PRKAG2: variants seen among roughly 807,000 people sequenced by gnomAD.
PRKAG2 encodes the protein protein kinase AMP-activated non-catalytic subunit gamma 2, also known as 5'-AMP-activated protein kinase subunit gamma-2.
PRKAG2 carries 26 observed loss-of-function variants against 69.6 expected under a neutral mutation model. The ratio of observed to expected loss-of-function variants is 0.37; its 90% CI spans 0.27 to 0.52. PRKAG2 has a LOEUF of 0.52. Among genes scored for constraint, PRKAG2 ranks in the 20% least tolerant of loss-of-function variants. The pLI is 0.90. For missense variants in PRKAG2, 557 were observed against 740.0 expected, an observed-to-expected ratio of 0.75 and a Z score of 2.87; for synonymous variants, 293 against 285.0, an observed-to-expected ratio of 1.03 and a Z score of -0.28.
chr7:151,840,399 T>G (rs1212708156), intron 1 of PRKAG2, among the ~76,000 whole-genome samples: 2 of 152,184 alleles, frequency 1.3e-5, no homozygotes, highest in Admixed American at 6.5e-5. Flanking sequence ...ATTCATTCAT[T>G]TAGATGAGGT....
intron 1 of PRKAG2, among the ~76,000 whole-genome samples, chr7:151,853,617 A>G (rs982845206): frequency 5.3e-5 from 8 of 152,016 alleles, no homozygotes; most frequent in Admixed American, 4.6e-4. Context: ...AAAATTAGCC[A>G]GGCGTGGTGG....
intron 3 of PRKAG2, among the ~76,000 whole-genome samples, chr7:151,722,814 A>G (rs1448653986): frequency 1.3e-5 from 2 of 152,128 alleles, no homozygotes; most frequent in Non-Finnish European, 2.9e-5. Flanking sequence ...AAAACTGATT[A>G]GATAGGCACA....
intron 5 of PRKAG2, among the ~76,000 whole-genome samples, chr7:151,604,543 G>A (rs1216158553): frequency 1.3e-5 from 2 of 152,116 alleles, no homozygotes; most frequent in Admixed American, 6.5e-5. Context: ...GGAGGCTGAG[G>A]TGGGAGGGTC....
intron 3 of PRKAG2, among the ~76,000 whole-genome samples, chr7:151,693,958 G>C (rs10278860): frequency 0.16 from 23,541 of 150,960 alleles, 2,648 homozygotes; most frequent in African/African-American, 0.32. Flanking sequence ...TGCAACTTGT[G>C]ACCCCTGGGT....
chr7:151,716,330 T>C (rs1426518568), intron 3 of PRKAG2, among the ~76,000 whole-genome samples: 4 of 152,162 alleles, frequency 2.6e-5, no homozygotes, highest in Admixed American at 2.0e-4. Context: ...AGTGAATGGA[T>C]AGAGACCTCC....
In PRKAG2 at chr7:151,850,792, G is replaced by A. The variant is rs1419262054; in HGVS notation, c.114+25715C>T. Among the ~76,000 whole-genome samples, 2 of 152,214 alleles carry A rather than the reference G, an allele frequency of 1.3e-5. No individual in the cohort carries two copies. The highest frequency in any genetic ancestry group is 6.5e-5 in the Admixed American group (1 of 15,282). ...GTTGTGCAAATCAGTTCAGCTCAGT[G>A]AGTTTTAATTCAGTGTCTACTTTGA... On this transcript the variant is annotated intron_variant, in intron 1 of 15. Transcript: ENST00000287878. The surrounding 1 kb of genome is among the most constrained non-coding windows in gnomAD (Gnocchi z 4.1).
At chr7:151,731,337 A>G (rs1798885215) in intron 3 of PRKAG2, among the ~76,000 whole-genome samples, 1 of 152,186 alleles carries the variant, frequency 6.6e-6, no homozygotes, top group Non-Finnish European at 1.5e-5. Context: ...CTGCAGCCAG[A>G]GAGGGGTAAG....
At chr7:151,782,836 TG>T (rs1357304472) in intron 2 of PRKAG2, among the ~76,000 whole-genome samples, 1 of 152,170 alleles carries the variant, frequency 6.6e-6, no homozygotes, top group East Asian at 1.9e-4. Flanking sequence ...TCCTACCACT[TG>T]GGAAACTTGC....
At chr7:151,832,494 A>AG (rs1054856627) in intron 1 of PRKAG2, among the ~76,000 whole-genome samples, 1 of 151,438 alleles carries the variant, frequency 6.6e-6, no homozygotes, top group African/African-American at 2.4e-5. Flanking sequence ...TCCACGAGAA[A>AG]GGGAGGAGGG....
chr7:151,632,268 C>A lies in PRKAG2; in HGVS notation c.685-130G>T, dbSNP rs1585372662. On this transcript the variant is annotated intron_variant, in intron 4 of 15. Coordinates refer to ENST00000287878, the MANE Select transcript of PRKAG2 (RefSeq NM_016203.4). The surrounding 1 kb of genome is among the most constrained non-coding windows in gnomAD (Gnocchi z 4.2). ...CCGGGAGGAGGGGCCTGGCAGGGGA[C>A]GCGGGCAGCGGGGGCCGGGGGCGGA... 3 of 1,027,156 alleles carry A rather than the reference C, an allele frequency of 2.9e-6. No individual in the cohort carries two copies. The Admixed American group carries it at 1.7e-4, about 60-fold the overall frequency. 63.6% of individuals were successfully genotyped at this position (1,027,156 alleles called of 1,614,324 possible).
chr7:151,743,876 G>A (rs909626315), intron 3 of PRKAG2, among the ~76,000 whole-genome samples: 15 of 152,182 alleles, frequency 9.9e-5, no homozygotes, highest in African/African-American at 3.6e-4. Context: ...GCCAGGGCTG[G>A]GCTGCGGGAG....
At chr7:151,749,954 G>A (rs1191546739) in intron 3 of PRKAG2, among the ~76,000 whole-genome samples, 1 of 151,952 alleles carries the variant, frequency 6.6e-6, no homozygotes, top group Non-Finnish European at 1.5e-5. Context: ...AAAATTAGCT[G>A]GGCATGGTGG....
rs531146050 is a variant in PRKAG2 at position 151,587,021 on chromosome 7, C to T, written c.864+8324G>A. Among the ~76,000 whole-genome samples the T allele has an allele frequency of 2.0e-5, 3 of 152,014 alleles. No homozygotes were observed. The South Asian group carries it at 6.2e-4, about 32-fold the overall frequency. On this transcript the variant is annotated intron_variant, in intron 6 of 15. Transcript: ENST00000287878. ...ACTAAAAATACAAAAGTTAGCTAGG[C>T]GTGTTGTTGCCCGCCTGTAATCCTA...
At chr7:151,726,799 G>A (rs1264684801) in intron 3 of PRKAG2, among the ~76,000 whole-genome samples, 2 of 152,142 alleles carry the variant, frequency 1.3e-5, no homozygotes, top group East Asian at 3.8e-4. Flanking sequence ...GGCTACACAA[G>A]GGTGTTCAGT....
intron 3 of PRKAG2, among the ~76,000 whole-genome samples, chr7:151,707,360 T>C (rs1838806044): frequency 6.6e-6 from 1 of 152,162 alleles, no homozygotes; most frequent in Non-Finnish European, 1.5e-5. Flanking sequence ...AGCTGAGGTG[T>C]GGCTGCAAAT....
chr7:151,692,414 G>GC (rs1554542298), intron 3 of PRKAG2, among the ~76,000 whole-genome samples: 5 of 151,886 alleles, frequency 3.3e-5, no homozygotes, highest in African/African-American at 1.2e-4. Flanking sequence ...ATAGCGGACA[G>GC]AAAAAAAAGT....
chr7:151,865,864 C>T (rs2080058552), intron 1 of PRKAG2, among the ~76,000 whole-genome samples: 1 of 151,880 alleles, frequency 6.6e-6, no homozygotes, highest in Non-Finnish European at 1.5e-5. Flanking sequence ...TTAAAAAATA[C>T]AAAAAATTAG....
chr7:151,861,400 T>A (rs1452247771), intron 1 of PRKAG2, among the ~76,000 whole-genome samples: 10 of 151,814 alleles, frequency 6.6e-5, no homozygotes, highest in Admixed American at 5.9e-4. Context: ...TGGTGGTGCA[T>A]GCTTGTAATC....
chr7:151,639,450 C>T (rs1037313616), intron 4 of PRKAG2, among the ~76,000 whole-genome samples: 16 of 152,096 alleles, frequency 1.1e-4, no homozygotes, highest in African/African-American at 2.9e-4. Flanking sequence ...TGGGTGTGTC[C>T]GTGCAGGAGT....
Sources: allele counts gnomAD v4.1 joint callset (sites outside exome capture counted in the v4.1 genomes callset), GRCh38; gene constraint gnomAD v4.1.1; non-coding constraint Gnocchi (gnomAD v3.1); transcripts MANE v1.5; gene names NCBI Gene and HGNC (gene_info 2026-07-23, HGNC 2026-07-21).